Variants in EFCAB11 observed in about 807,000 individuals in gnomAD.
EFCAB11 encodes the protein EF-hand calcium binding domain 11.
A neutral mutation model predicts 23.0 loss-of-function variants in EFCAB11; 14 were observed. The ratio of observed to expected loss-of-function variants is 0.61; its 90% confidence interval spans 0.40 to 0.95. EFCAB11 has a LOEUF of 0.95. Among genes scored for constraint, EFCAB11 ranks in the 40% least tolerant of loss-of-function variants. EFCAB11 has a pLI of 0.00. For synonymous variants in EFCAB11, 65 were observed against 66.6 expected (o/e 0.98, Z 0.11); for missense variants, 198 against 195.8 (o/e 1.01, Z -0.07).
At chr14:89,899,349 G>C (rs963102692) in intron 5 of EFCAB11, among the ~76,000 whole-genome samples, 1 of 152,186 alleles carries the variant, frequency 6.6e-6, no homozygotes, top group African/African-American at 2.4e-5. Flanking sequence ...AGTGAGTATT[G>C]CAATAGGCAG....
intron 3 of EFCAB11, among the ~76,000 whole-genome samples, chr14:89,946,690 C>A (rs1890997075): frequency 6.6e-6 from 1 of 151,542 alleles, no homozygotes; most frequent in African/African-American, 2.4e-5. Flanking sequence ...CTGCCTCAGC[C>A]TCCCAGGTAG....
Position 89,940,027 on chromosome 14 carries a change from G to A in EFCAB11, c.218-7400C>T, listed in dbSNP as rs138659361. On this transcript the variant is annotated intron_variant, in intron 3 of 5. Transcript: ENST00000316738. ...GCTGGGATTACAGGCGTGAGCCACC[G>A]TGCCCAGCCCACATAAAATATATAT... Among the ~76,000 whole-genome samples the A allele has an allele frequency of 4.9e-3, 751 of 152,244 alleles. 5 individuals are homozygous for A. The highest frequency in any genetic ancestry group is 0.017 in the African/African-American group (725 of 41,552).
At chr14:89,925,084 A>G (rs190714014) in intron 5 of EFCAB11, among the ~76,000 whole-genome samples, 2 of 152,384 alleles carry the variant, frequency 1.3e-5, no homozygotes, top group East Asian at 3.8e-4. Flanking sequence ...AGACTGTACA[A>G]TGCAGAGAAA....
Position 89,954,211 on chromosome 14 carries a change from G to A in EFCAB11, c.76-210C>T, listed in dbSNP as rs369150874. ...CATGGGCTGAAATTTCCCTCAAAGT[G>A]CAAACGAGTTAACCGCTAGGTGACG... is the stretch of plus-strand genomic sequence containing the variant. On this transcript the variant is annotated intron_variant, in intron 1 of 5. Transcript: ENST00000316738. 1,147 of 1,009,500 alleles carry A rather than the reference G, an allele frequency of 1.1e-3. 13 individuals carry two copies. The South Asian group carries it at 0.014, about 13-fold the overall frequency. The allele number at this position is 1,009,500 out of a possible 1,614,324, so 62.5% of individuals were successfully genotyped here.
intron 5 of EFCAB11, among the ~76,000 whole-genome samples, chr14:89,902,034 G>C (rs1470865908): frequency 2.0e-5 from 3 of 151,894 alleles, no homozygotes; most frequent in Admixed American, 6.6e-5. Flanking sequence ...ATAAAAGAAA[G>C]AGGTAGCACC....
At chr14:89,908,206 C>T (rs1286395367) in intron 5 of EFCAB11, among the ~76,000 whole-genome samples, 1 of 152,192 alleles carries the variant, frequency 6.6e-6, no homozygotes, top group African/African-American at 2.4e-5. Context: ...TAAGTCTAGA[C>T]ACCATAATAA....
chr14:89,836,479 G>A (rs2140121626), intron 5 of EFCAB11: 1 of 445,994 alleles, frequency 2.2e-6, no homozygotes, highest in African/African-American at 2.0e-5. Flanking sequence ...AAGGGGATGT[G>A]GATTAAGCAT....
chr14:89,892,407 C>T (rs1158452508), intron 5 of EFCAB11: 40 of 1,589,156 alleles, frequency 2.5e-5, no homozygotes, highest in Non-Finnish European at 3.3e-5. Flanking sequence ...CCCAGGTCCC[C>T]CAGCAGGAAG....
chr14:89,953,806 A>T (rs971108138), intron 2 of EFCAB11, 100 bp downstream of exon 2: 1 of 950,682 alleles, frequency 1.1e-6, no homozygotes, highest in African/African-American at 1.7e-5. Context: ...TTGCTTATAA[A>T]GCAATTTATA....
Position 89,821,020 on chromosome 14 carries a change from C to T in EFCAB11, c.411-23696G>A, listed in dbSNP as rs375192929. Among the ~76,000 whole-genome samples, 9 of 152,090 alleles carry T rather than the reference C, an allele frequency of 5.9e-5. No homozygotes were observed. In the East Asian group the frequency reaches 1.4e-3, roughly 23 times the overall value. On this transcript the variant is annotated intron_variant, in intron 5 of 5. Coordinates refer to ENST00000316738, the MANE Select transcript of EFCAB11 (RefSeq NM_145231.4). ...CACCTTGAACTCCTGGGATCAAATGCCTGGCTAATTTTTTATTTTTTGTAG... is the reference window on the plus strand; with the variant it reads ...CACCTTGAACTCCTGGGATCAAATGTCTGGCTAATTTTTTATTTTTTGTAG...
intron 5 of EFCAB11, among the ~76,000 whole-genome samples, chr14:89,873,140 T>G (rs2140165518): frequency 6.6e-6 from 1 of 152,250 alleles, no homozygotes; most frequent in East Asian, 1.9e-4. Flanking sequence ...TCCACATGGC[T>G]GGGGAGGCCT....
chr14:89,836,281 A>G lies in EFCAB11; in HGVS notation c.411-38957T>C, dbSNP rs1046128911. ...TAGGCTCAGTCTCATCTTTTGCTCT[A>G]GAGTCCTTCCATGGAGCAAGGACTC... On this transcript the variant is annotated intron_variant, in intron 5 of 5. Coordinates refer to ENST00000316738, the MANE Select transcript of EFCAB11 (RefSeq NM_145231.4). 4.6e-5 allele frequency: 11 copies of G among 239,536 alleles called. No homozygotes were observed. In the South Asian group the frequency reaches 5.9e-4, roughly 13 times the overall value. The allele number at this position is 239,536 out of a possible 1,614,324, so 14.8% of individuals were successfully genotyped here. A position where few individuals can be genotyped will look rare whatever the true frequency, so the allele number is the denominator to read the frequency against.
At chr14:89,929,061 T>TATATATATATATA (rs1890298898) in intron 5 of EFCAB11, among the ~76,000 whole-genome samples, 1 of 145,578 alleles carries the variant, frequency 6.9e-6, no homozygotes, top group East Asian at 2.2e-4. Flanking sequence ...ACACATATTT[T>TATATATATATATA]TTTTTAGGAG....
chr14:89,801,178 T>A (rs1415486698), intron 5 of EFCAB11, among the ~76,000 whole-genome samples: 2 of 151,972 alleles, frequency 1.3e-5, no homozygotes, highest in Non-Finnish European at 2.9e-5. Flanking sequence ...AGAACAGTCA[T>A]GAAATTCCCC....
chr14:89,873,126 C>T (rs1012550708), intron 5 of EFCAB11, among the ~76,000 whole-genome samples: 1 of 152,184 alleles, frequency 6.6e-6, no homozygotes, highest in Non-Finnish European at 1.5e-5. Context: ...AATTGACTCA[C>T]AGTTCCACAT....
chr14:89,874,339 C>T (rs1256223395), intron 5 of EFCAB11, among the ~76,000 whole-genome samples: 1 of 152,200 alleles, frequency 6.6e-6, no homozygotes, highest in Non-Finnish European at 1.5e-5. Context: ...GCCTCTGGGC[C>T]TGCGATGGGA....
chr14:89,926,767 C>T (rs901830365), intron 5 of EFCAB11, among the ~76,000 whole-genome samples: 5 of 152,084 alleles, frequency 3.3e-5, no homozygotes, highest in African/African-American at 1.2e-4. Context: ...AATACAATGA[C>T]CCAGATAAGC....
intron 5 of EFCAB11, among the ~76,000 whole-genome samples, chr14:89,891,780 A>C (rs1461675951): frequency 6.6e-6 from 1 of 152,160 alleles, no homozygotes; most frequent in Non-Finnish European, 1.5e-5. Flanking sequence ...AGATAATAGG[A>C]TAGGGACGCG....
At chr14:89,822,210 C>CTGT in intron 5 of EFCAB11, among the ~76,000 whole-genome samples, 1 of 152,216 alleles carries the variant, frequency 6.6e-6, no homozygotes, top group Middle Eastern at 3.4e-3. Flanking sequence ...TGATTCTGAA[C>CTGT]TGTTATAAAT....
Sources: gnomAD v4.1 joint callset for allele counts (sites outside exome capture counted in the v4.1 genomes callset) on GRCh38, gnomAD v4.1.1 for gene constraint, MANE v1.5 for transcripts, NCBI Gene and HGNC (gene_info 2026-07-23, HGNC 2026-07-21) for gene names.